Variants in CHRNB4 observed in about 807,000 individuals in gnomAD.
CHRNB4 encodes the protein cholinergic receptor nicotinic beta 4 subunit.
Under a neutral mutation model 40.4 loss-of-function variants are expected in CHRNB4, and 23 were observed. The observed-to-expected ratio is 0.57, with a 90% CI of 0.41 to 0.81. The LOEUF (loss-of-function observed/expected upper bound fraction) is 0.81, where lower values mean the gene tolerates loss of function less well. CHRNB4 is among the 30% of genes least tolerant of loss of function. The probability of loss-of-function intolerance (pLI) is 0.00; values close to 1 mark genes in which losing one functional copy is unlikely to be tolerated. For missense variants in CHRNB4, 568 were observed against 670.6 expected (o/e 0.85, Z 1.69); for synonymous variants, 285 against 274.4 (o/e 1.04, Z -0.38).
chr15:78,650,238 T>C (rs1055009712), intron 6 of CHRNB4, among the ~76,000 whole-genome samples: 3 of 152,210 alleles, frequency 2.0e-5, no homozygotes, highest in East Asian at 3.9e-4. Flanking sequence ...GTGAGCCTAG[T>C]TGGCTCCACT....
rs79802316 is a variant in CHRNB4, at chr15:78,625,793, A to C, written c.1339-502T>G. On this transcript the variant is annotated intron_variant, in intron 5 of 5. Transcript: ENST00000261751. Reference sequence around the variant, plus strand: ...CTGTTTAATTTGTTCAAGTCTGTTCACAGCAGTGTCTGTTTCCTGTAATTA... The same window carrying C: ...CTGTTTAATTTGTTCAAGTCTGTTCCCAGCAGTGTCTGTTTCCTGTAATTA... 9.5e-3 allele frequency: 1,446 copies of C among 152,652 alleles called. 158 individuals are homozygous for C. The East Asian group carries it at 0.25, about 26-fold the overall frequency. The allele number at this position is 152,652 out of a possible 1,614,324, so 9.5% of individuals were successfully genotyped here.
At chr15:78,660,068 G>A (rs572476303) in intron 1 of CHRNB4, among the ~76,000 whole-genome samples, 6 of 152,192 alleles carry the variant, frequency 3.9e-5, no homozygotes, top group East Asian at 3.9e-4. Flanking sequence ...TTAGCCAGGC[G>A]TGTTGGTGTG....
chr15:78,650,682 T>G (rs1269053908), intron 6 of CHRNB4, among the ~76,000 whole-genome samples: 1 of 152,184 alleles, frequency 6.6e-6, no homozygotes, highest in African/African-American at 2.4e-5. Flanking sequence ...TGGCCGCAAG[T>G]GGTGTCACTG....
At chr15:78,645,266 G>T (rs1230147278), upstream of CHRNB4, among the ~76,000 whole-genome samples, 1 of 152,176 alleles carries the variant, frequency 6.6e-6, no homozygotes, top group Non-Finnish European at 1.5e-5. Flanking sequence ...ACCCTGGCTT[G>T]ACTTGCCTTT....
intron 5 of CHRNB4, chr15:78,626,512 C>G (rs2053664507): frequency 6.6e-6 from 1 of 152,222 alleles, no homozygotes; most frequent in African/African-American, 2.4e-5. Context: ...AAGAAAGCCT[C>G]TTTTCTCCAA....
intron 2 of CHRNB4, among the ~76,000 whole-genome samples, chr15:78,633,352 T>C (rs1756872951): frequency 6.6e-6 from 1 of 152,214 alleles, no homozygotes; most frequent in African/African-American, 2.4e-5. Context: ...TATATGGCAG[T>C]TCTGCTCTAC....
intron 6 of CHRNB4, chr15:78,652,503 C>A (rs1246256756): frequency 1.3e-5 from 2 of 152,338 alleles, no homozygotes; most frequent in Non-Finnish European, 2.9e-5. Context: ...CTGGTTCCCA[C>A]CCCTCTGGCC....
chr15:78,653,452 T>C (rs1248042325), intron 5 of CHRNB4, among the ~76,000 whole-genome samples: 2 of 152,150 alleles, frequency 1.3e-5, no homozygotes, highest in African/African-American at 4.8e-5. Context: ...CATATTTGAT[T>C]CTCCATAGCT....
At chr15:78,632,190 T>G (rs2053833332) in intron 2 of CHRNB4, among the ~76,000 whole-genome samples, 3 of 15,154 alleles carry the variant, frequency 2.0e-4, no homozygotes, top group Admixed American at 7.1e-4. Flanking sequence ...TCTTTCTTTC[T>G]TTCTTTCTTT....
intron 4 of CHRNB4, 22 bp downstream of exon 4, chr15:78,631,054 C>A: frequency 1.9e-6 from 3 of 1,603,368 alleles, no homozygotes; most frequent in Non-Finnish European, 2.6e-6. Context: ...GTCACCAGGC[C>A]TCCACCAACC....
intron 5 of CHRNB4, among the ~76,000 whole-genome samples, chr15:78,654,730 T>A (rs903637744): frequency 2.0e-5 from 3 of 152,168 alleles, no homozygotes; most frequent in Non-Finnish European, 4.4e-5. Flanking sequence ...AACTTTTAAT[T>A]GAGATATATG....
At chr15:78,630,968 A>T in intron 4 of CHRNB4, 108 bp downstream of exon 4, 1 of 831,168 alleles carries the variant, frequency 1.2e-6, no homozygotes. Context: ...AAGGCTGGGT[A>T]AAGCAGAGAT....
intron 5 of CHRNB4, among the ~76,000 whole-genome samples, chr15:78,654,998 A>G (rs1026764028): frequency 1.3e-5 from 2 of 152,090 alleles, no homozygotes; most frequent in Non-Finnish European, 2.9e-5. Flanking sequence ...TCAACTGCAC[A>G]TTTTAAAAAT....
At chr15:78,625,541 A>G (rs1033864891) in intron 5 of CHRNB4, among the ~76,000 whole-genome samples, 4 of 152,242 alleles carry the variant, frequency 2.6e-5, no homozygotes, top group African/African-American at 9.6e-5. Flanking sequence ...TGGGCTGTAC[A>G]GAAAAGCTAG....
rs376227572 is a variant in CHRNB4 at position 78,625,301 on chromosome 15, G to C, written c.1339-10C>G. 50 of 1,528,216 alleles carry C rather than the reference G, an allele frequency of 3.3e-5. No homozygotes were observed. Among genetic ancestry groups the C allele is most frequent in the Non-Finnish European group, 3.9e-5 (45 of 1,139,978 alleles). The allele number at this position is 1,528,216 out of a possible 1,614,324, so 94.7% of individuals were successfully genotyped here. Reference sequence around the variant, plus strand: ...TCCAGTCCTCAACGACCTGCAGGCAGACAGAGGAGTTGGTCACAGGTGCCA... The same window carrying C: ...TCCAGTCCTCAACGACCTGCAGGCACACAGAGGAGTTGGTCACAGGTGCCA... On this transcript the variant is annotated splice_polypyrimidine_tract_variant and intron_variant, in intron 5 of 5. Coordinates refer to ENST00000261751, the MANE Select transcript of CHRNB4 (RefSeq NM_000750.5).
intron 5 of CHRNB4, chr15:78,626,137 G>C (rs1327603289): frequency 6.6e-6 from 1 of 152,278 alleles, no homozygotes; most frequent in African/African-American, 2.4e-5. Context: ...CAACGGGCAT[G>C]CTGACGTCAG....
At chr15:78,633,712 C>T (rs1316220460) in intron 2 of CHRNB4, among the ~76,000 whole-genome samples, 2 of 152,032 alleles carry the variant, frequency 1.3e-5, no homozygotes, top group East Asian at 3.9e-4. Context: ...GGAGTAAAGA[C>T]GAGGTTCAGG....
intron 6 of CHRNB4, among the ~76,000 whole-genome samples, chr15:78,650,044 AG>A (rs2141407953): frequency 1.5e-5 from 1 of 64,912 alleles, no homozygotes; most frequent in Admixed American, 1.3e-4. Context: ...GAGTGTGCCC[AG>A]GAGGAGGATG....
chr15:78,661,255 C>T (rs144669826), upstream of CHRNB4: 5 of 604,122 alleles, frequency 8.3e-6, no homozygotes, highest in Non-Finnish European at 1.6e-5. Context: ...GAGGATCTTG[C>T]CCCCTGCCCC....
Sources: allele counts gnomAD v4.1 joint callset (sites outside exome capture counted in the v4.1 genomes callset), GRCh38; gene constraint gnomAD v4.1.1; transcripts MANE v1.5; gene names NCBI Gene and HGNC (gene_info 2026-07-23, HGNC 2026-07-21).